Variants in PDCD1LG2 observed in about 807,000 individuals in gnomAD.
PDCD1LG2 encodes the protein programmed cell death 1 ligand 2.
Under a neutral mutation model 28.2 loss-of-function variants are expected in PDCD1LG2, and 32 were observed. The ratio of observed to expected loss-of-function variants is 1.13; its 90% confidence interval spans 0.86 to 1.52. The LOEUF is 1.52. Among genes scored for constraint, PDCD1LG2 ranks in the 40% most tolerant of loss-of-function variants. PDCD1LG2 has a pLI of 0.00. For missense variants in PDCD1LG2, 385 were observed against 323.8 expected, an observed-to-expected ratio of 1.19 and a Z score of -1.45; for synonymous variants, 116 against 120.2, an observed-to-expected ratio of 0.97 and a Z score of 0.23.
chr9:5,524,954 C>T (rs1170201673), intron 2 of PDCD1LG2, among the ~76,000 whole-genome samples: 1 of 152,158 alleles, frequency 6.6e-6, no homozygotes, highest in Non-Finnish European at 1.5e-5. Flanking sequence ...CAGCCCCAGA[C>T]CTGCATGCTT....
At chr9:5,558,892 G>A (rs1816501061) in intron 5 of PDCD1LG2, among the ~76,000 whole-genome samples, 1 of 152,170 alleles carries the variant, frequency 6.6e-6, no homozygotes. Context: ...TGGGAGGGAA[G>A]GGAGCTTCAT....
At chr9:5,533,806 T>G (rs1820528023) in intron 2 of PDCD1LG2, among the ~76,000 whole-genome samples, 1 of 151,878 alleles carries the variant, frequency 6.6e-6, no homozygotes, top group Non-Finnish European at 1.5e-5. Context: ...TGAAGTGAAC[T>G]GCTTGGAGCC....
At position 5,571,097 on chromosome 9, in the gene PDCD1LG2, G is replaced by A. The variant is rs543121215; in HGVS notation, c.*1138G>A. On this transcript the variant is annotated 3_prime_UTR_variant, in exon 7 of 7. Coordinates refer to ENST00000397747, the MANE Select transcript of PDCD1LG2 (RefSeq NM_025239.4). ...GCTAGTATAACAGACTTACATAGGT[G>A]GGCCTAAAGCAAGCTCCTTAACTGA... 1.7e-5 allele frequency: 4 copies of A among 232,552 alleles called. No homozygotes were observed. The highest frequency in any genetic ancestry group is 8.8e-5 in the African/African-American group (4 of 45,420). 14.4% of individuals were successfully genotyped at this position (232,552 alleles called of 1,614,324 possible).
At chr9:5,553,660 C>T (rs1390124997) in intron 4 of PDCD1LG2, among the ~76,000 whole-genome samples, 1 of 152,174 alleles carries the variant, frequency 6.6e-6, no homozygotes, top group Non-Finnish European at 1.5e-5. Context: ...AATGGCCACT[C>T]CACTCTCTTC....
At chr9:5,549,137 T>C (rs911875287) in intron 3 of PDCD1LG2, among the ~76,000 whole-genome samples, 198 bp from the exon 4 acceptor site, 1 of 152,240 alleles carries the variant, frequency 6.6e-6, no homozygotes. Flanking sequence ...GCCATCTTTA[T>C]TGCATTGTAA....
intron 6 of PDCD1LG2, among the ~76,000 whole-genome samples, 192 bp downstream of exon 6, chr9:5,563,403 G>A (rs1335091463): frequency 6.6e-6 from 1 of 152,108 alleles, no homozygotes; most frequent in Non-Finnish European, 1.5e-5. Context: ...CTTTTGCTCG[G>A]TCTATATTCC....
intron 4 of PDCD1LG2, among the ~76,000 whole-genome samples, chr9:5,556,683 G>C (rs1816449090): frequency 6.6e-6 from 1 of 152,186 alleles, no homozygotes; most frequent in Non-Finnish European, 1.5e-5. Flanking sequence ...TTCCCGCTGA[G>C]CAGTTTCGTC....
intron 2 of PDCD1LG2, among the ~76,000 whole-genome samples, chr9:5,526,538 A>G (rs1309848469): frequency 6.6e-6 from 1 of 152,148 alleles, no homozygotes; most frequent in Non-Finnish European, 1.5e-5. Context: ...CCCAGGCTCA[A>G]GTGAGTCTCC....
chr9:5,518,486 T>A (rs1820209804), intron 1 of PDCD1LG2, among the ~76,000 whole-genome samples: 1 of 152,230 alleles, frequency 6.6e-6, no homozygotes, highest in South Asian at 2.1e-4. Context: ...TGCTGGCAAG[T>A]GCCAGGCCTG....
chr9:5,516,239 G>T (rs1820161054), intron 1 of PDCD1LG2, among the ~76,000 whole-genome samples: 1 of 152,180 alleles, frequency 6.6e-6, no homozygotes, highest in African/African-American at 2.4e-5. Flanking sequence ...TTTTAGTAGA[G>T]ACGGGGTTTC....
intron 2 of PDCD1LG2, among the ~76,000 whole-genome samples, chr9:5,533,515 A>G (rs892763601): frequency 2.0e-5 from 3 of 152,244 alleles, no homozygotes; most frequent in African/African-American, 7.2e-5. Flanking sequence ...TCTACCCGGA[A>G]GCTTCCTGTT....
chr9:5,559,086 G>A (rs1816505364), intron 5 of PDCD1LG2, among the ~76,000 whole-genome samples: 1 of 152,160 alleles, frequency 6.6e-6, no homozygotes. Context: ...ATGAGCAGCT[G>A]AGTGTTCCGT....
chr9:5,520,398 C>A (rs1820250753), intron 1 of PDCD1LG2, among the ~76,000 whole-genome samples: 2 of 152,144 alleles, frequency 1.3e-5, no homozygotes, highest in Admixed American at 1.3e-4. Context: ...ATCAGTAGAA[C>A]AAATTTGGAA....
At chr9:5,517,980 G>A (rs1820199233) in intron 1 of PDCD1LG2, among the ~76,000 whole-genome samples, 1 of 152,174 alleles carries the variant, frequency 6.6e-6, no homozygotes, top group African/African-American at 2.4e-5. Context: ...ATGGCAGTGG[G>A]GTGGAAGAAA....
At chr9:5,534,076 T>A (rs1378639000) in intron 2 of PDCD1LG2, among the ~76,000 whole-genome samples, 1 of 152,034 alleles carries the variant, frequency 6.6e-6, no homozygotes, top group African/African-American at 2.4e-5. Flanking sequence ...TTAACCTTTT[T>A]GTGCCTCATT....
intron 2 of PDCD1LG2, among the ~76,000 whole-genome samples, chr9:5,529,082 A>C (rs1820434194): frequency 6.6e-6 from 1 of 152,232 alleles, no homozygotes; most frequent in Non-Finnish European, 1.5e-5. Flanking sequence ...ATTTTCAAAT[A>C]TTCTTTTGAA....
At chr9:5,540,350 C>T (rs149334723) in intron 3 of PDCD1LG2, among the ~76,000 whole-genome samples, 7,459 of 151,974 alleles carry the variant, frequency 0.049, 302 homozygotes, top group East Asian at 0.22. Flanking sequence ...ACAATCCAAA[C>T]CCAAACCCAG....
At chr9:5,556,755 C>G (rs1816450179) in intron 4 of PDCD1LG2, among the ~76,000 whole-genome samples, 1 of 152,126 alleles carries the variant, frequency 6.6e-6, no homozygotes, top group Admixed American at 6.5e-5. Flanking sequence ...AGGCAAAATT[C>G]AAGCTTTTGA....
intron 3 of PDCD1LG2, among the ~76,000 whole-genome samples, chr9:5,542,925 C>T (rs535451964): frequency 4.7e-4 from 71 of 152,174 alleles, no homozygotes; most frequent in African/African-American, 1.6e-3. Context: ...TATATGGAAC[C>T]AGCCCAAATG....
Sources: gnomAD v4.1 joint callset for allele counts (sites outside exome capture counted in the v4.1 genomes callset) on GRCh38, gnomAD v4.1.1 for gene constraint, MANE v1.5 for transcripts, NCBI Gene and HGNC (gene_info 2026-07-23, HGNC 2026-07-21) for gene names.